The following ZNF532 variants were observed in gnomAD, a reference collection of about 807,000 sequenced individuals.
The protein encoded by ZNF532 is zinc finger protein 532.
ZNF532 carries 22 observed loss-of-function variants against 89.3 expected under a neutral mutation model. The observed-to-expected ratio is 0.25, with a 90% CI of 0.18 to 0.35. ZNF532 has a LOEUF of 0.35. ZNF532 is among the 10% of genes least tolerant of loss of function. The pLI is 1.00. For missense variants in ZNF532, 1,132 were observed against 1,643.4 expected, an observed-to-expected ratio of 0.69 and a Z score of 5.38; for synonymous variants, 606 against 649.6, an observed-to-expected ratio of 0.93 and a Z score of 1.02.
chr18:58,918,010 A>G (rs780225480), intron 2 of ZNF532, among the ~76,000 whole-genome samples: 4 of 152,194 alleles, frequency 2.6e-5, no homozygotes, highest in African/African-American at 4.8e-5. Context: ...AATCAACTTC[A>G]TTCTTGTTAG....
intron 2 of ZNF532, among the ~76,000 whole-genome samples, chr18:58,905,796 C>T (rs1188719487): frequency 6.6e-6 from 1 of 152,232 alleles, no homozygotes; most frequent in Non-Finnish European, 1.5e-5. Flanking sequence ...TGTCCTTTTT[C>T]TGTTCCAGGA....
At chr18:58,922,953 G>A (rs545372117) in intron 3 of ZNF532, among the ~76,000 whole-genome samples, 15 of 151,778 alleles carry the variant, frequency 9.9e-5, no homozygotes, top group African/African-American at 2.9e-4. Flanking sequence ...AGGGTGAAAC[G>A]GGTGAAACTC....
intron 5 of ZNF532, among the ~76,000 whole-genome samples, chr18:58,947,312 G>A (rs572228777): frequency 1.3e-5 from 2 of 152,278 alleles, no homozygotes; most frequent in African/African-American, 2.4e-5. Flanking sequence ...TCGTGCCCTC[G>A]TTTCAGTAGA....
intron 7 of ZNF532, among the ~76,000 whole-genome samples, chr18:58,971,288 G>A (rs566362468): frequency 2.0e-5 from 3 of 152,254 alleles, no homozygotes; most frequent in Non-Finnish European, 4.4e-5. Context: ...TGAAAAAAAA[G>A]CATTCTTTTC....
chr18:58,892,608 A>T (rs1489044692), intron 2 of ZNF532, among the ~76,000 whole-genome samples: 1 of 152,240 alleles, frequency 6.6e-6, no homozygotes, highest in Non-Finnish European at 1.5e-5. Context: ...AATTCCAGGA[A>T]TGAAAGAGGT....
chr18:58,966,739 T>G (rs1323448444), intron 7 of ZNF532, among the ~76,000 whole-genome samples: 2 of 72,928 alleles, frequency 2.7e-5, no homozygotes, highest in African/African-American at 1.6e-4. Flanking sequence ...TTTTTTTGTG[T>G]TTTTTTTTTT....
chr18:58,941,694 C>A (rs1375086117), intron 5 of ZNF532, among the ~76,000 whole-genome samples: 5 of 151,980 alleles, frequency 3.3e-5, no homozygotes, highest in South Asian at 4.2e-4. Flanking sequence ...GTCTTGAATT[C>A]TTGGGCTCAA....
intron 7 of ZNF532, among the ~76,000 whole-genome samples, chr18:58,954,945 C>T (rs370939419): frequency 5.9e-5 from 9 of 152,098 alleles, no homozygotes; most frequent in African/African-American, 1.7e-4. Context: ...GAACTCCTGG[C>T]CTCAGGCAGT....
intron 2 of ZNF532, among the ~76,000 whole-genome samples, chr18:58,900,262 GT>G (rs1189554392): frequency 6.6e-6 from 1 of 152,202 alleles, no homozygotes; most frequent in African/African-American, 2.4e-5. Context: ...TGGTGCTTTT[GT>G]TTTCCTAGGA....
rs1455964693 is a variant in ZNF532, at chr18:58,918,740, CAAG to C, written c.454_456del (p.Lys152del). ...AGATTGAGGTGGATGACCCCCCTGA[CAAG>C]GAGGACATGCGATCAAGCTTCAGGT... On this transcript the variant is annotated inframe_deletion, in exon 3 of 10. Coordinates refer to ENST00000591808, the MANE Select transcript of ZNF532 (RefSeq NM_001375912.1). 6.2e-7 allele frequency: 1 copy of C among 1,614,150 alleles called. No homozygotes were observed. Among genetic ancestry groups the C allele is most frequent in the South Asian group, 1.1e-5 (1 of 91,076 alleles).
In ZNF532 at chr18:58,918,399, G is replaced by C; in HGVS notation, c.112G>C (p.Glu38Gln). ...TATTGAGTCTGGACACGATGACCAT[G>C]AAAGCCACATGAAGCAGAATGCTCA... ...AAIESGHDDH[E>Q]SHMKQNAHGE... is the part of the protein sequence containing the mutation. The change falls in exon 3 of 10, where the codon GAA (glutamate) becomes CAA (glutamine). Residue 38 changes from glutamate to glutamine, a missense_variant. Glu to Gln is a conservative substitution (Grantham distance 29). Coordinates refer to ENST00000591808, the MANE Select transcript of ZNF532 (RefSeq NM_001375912.1). 1 of 1,614,184 alleles carries C rather than the reference G, an allele frequency of 6.2e-7. No homozygotes were observed. The highest frequency in any genetic ancestry group is 8.5e-7 in the Non-Finnish European group (1 of 1,180,046).
intron 6 of ZNF532, among the ~76,000 whole-genome samples, chr18:58,949,808 G>C (rs1217522446): frequency 1.3e-5 from 2 of 152,198 alleles, no homozygotes; most frequent in Non-Finnish European, 2.9e-5. Context: ...ACATGTGTGA[G>C]TTCATATAGA....
At chr18:58,929,583 A>G (rs2061788434) in intron 3 of ZNF532, among the ~76,000 whole-genome samples, 1 of 152,192 alleles carries the variant, frequency 6.6e-6, no homozygotes, top group Non-Finnish European at 1.5e-5. Flanking sequence ...TTTATATTTT[A>G]GTGTTACCAA....
At position 58,920,635 on chromosome 18, in the gene ZNF532, T is replaced by C. The variant is rs1262213094; in HGVS notation, c.2346+2T>C. The C allele has an allele frequency of 6.4e-7, 1 of 1,558,420 alleles. No individual in the cohort carries two copies. The highest frequency in any genetic ancestry group is 1.4e-5 in the African/African-American group (1 of 73,022). ...CAGGCTGCAGATACGAGTGGACAAG[T>C]AGAGTATCATTTAAATTTTTGTGTT... On this transcript the variant is annotated splice_donor_variant, in intron 3 of 9. Coordinates refer to ENST00000591808, the MANE Select transcript of ZNF532 (RefSeq NM_001375912.1). LOFTEE classifies it high-confidence loss of function.
intron 7 of ZNF532, among the ~76,000 whole-genome samples, chr18:58,973,042 G>A (rs1220082158): frequency 1.3e-5 from 2 of 152,170 alleles, no homozygotes; most frequent in Admixed American, 6.5e-5. Context: ...TTGATTGTAC[G>A]CTTTTTCTTT....
At chr18:58,953,859 C>T in intron 7 of ZNF532, 60 bp downstream of exon 7, 1 of 1,539,054 alleles carries the variant, frequency 6.5e-7, no homozygotes, top group South Asian at 1.3e-5. Context: ...GACTGGCAAG[C>T]TTCCAAGATG....
At chr18:58,872,277 G>A (rs779197012) in intron 2 of ZNF532, among the ~76,000 whole-genome samples, 1 of 152,132 alleles carries the variant, frequency 6.6e-6, no homozygotes, top group African/African-American at 2.4e-5. Context: ...TGAGTGATCC[G>A]TAGAGACCTA....
chr18:58,944,161 G>T (rs1472914622), intron 5 of ZNF532, among the ~76,000 whole-genome samples: 1 of 152,168 alleles, frequency 6.6e-6, no homozygotes, highest in Non-Finnish European at 1.5e-5. Flanking sequence ...TTTGCCCCTA[G>T]TTGGATTCAG....
intron 2 of ZNF532, among the ~76,000 whole-genome samples, chr18:58,896,222 T>C (rs1324423363): frequency 6.6e-6 from 1 of 152,124 alleles, no homozygotes; most frequent in Non-Finnish European, 1.5e-5. Flanking sequence ...TTGTTGTTTG[T>C]TTTTTAAGTA....
Sources: gnomAD v4.1 joint callset for allele counts (sites outside exome capture counted in the v4.1 genomes callset) on GRCh38, gnomAD v4.1.1 for gene constraint, MANE v1.5 for transcripts, NCBI Gene and HGNC (gene_info 2026-07-23, HGNC 2026-07-21) for gene names.